Variants in KIF27 observed in about 807,000 individuals in gnomAD.
The protein encoded by KIF27 is kinesin-like protein KIF27.
A neutral mutation model predicts 141.8 loss-of-function variants in KIF27; 84 were observed. The ratio of observed to expected loss-of-function variants is 0.59; its 90% CI spans 0.50 to 0.71. KIF27 has a LOEUF of 0.71. Among genes scored for constraint, KIF27 ranks in the 30% least tolerant of loss-of-function variants. KIF27 has a pLI of 0.00. For synonymous variants in KIF27, 471 were observed against 569.5 expected (o/e 0.83, Z 2.46); for missense variants, 1,306 against 1,628.4 (o/e 0.80, Z 3.41).
chr9:83,907,691 T>TA (rs1308560582), intron 3 of KIF27, among the ~76,000 whole-genome samples: 1 of 151,816 alleles, frequency 6.6e-6, no homozygotes, highest in Non-Finnish European at 1.5e-5. Flanking sequence ...CTCTCAACTT[T>TA]AAAAAAAGAG....
At chr9:83,845,045 C>G (rs1434258726) in intron 16 of KIF27, among the ~76,000 whole-genome samples, 4 of 152,138 alleles carry the variant, frequency 2.6e-5, no homozygotes, top group African/African-American at 9.7e-5. Context: ...GCTGCTCTGC[C>G]ACTTGGGCCA....
intron 12 of KIF27, among the ~76,000 whole-genome samples, chr9:83,870,138 T>G (rs560851797): frequency 1.3e-5 from 2 of 149,520 alleles, no homozygotes; most frequent in South Asian, 2.1e-4. Flanking sequence ...CATCTATCTA[T>G]CTCTCTATCT....
At chr9:83,912,933 G>C (rs1955315984) in intron 2 of KIF27, among the ~76,000 whole-genome samples, 1 of 151,910 alleles carries the variant, frequency 6.6e-6, no homozygotes, top group African/African-American at 2.4e-5. Context: ...AGGCAGGGCG[G>C]ATCACTTGAT....
Position 83,886,948 on chromosome 9 carries a change from T to G in KIF27, c.2239+93A>C, listed in dbSNP as rs1029411449. 2.9e-6 allele frequency: 4 copies of G among 1,382,172 alleles called. No individual in the cohort carries two copies. The African/African-American group carries it at 5.9e-5, about 21-fold the overall frequency. 85.6% of individuals were successfully genotyped at this position (1,382,172 alleles called of 1,614,324 possible). On this transcript the variant is annotated intron_variant, in intron 9 of 17. Transcript: ENST00000297814. ...CCAATCCAAGCTAAGTGGATAGACC[T>G]GAGCTTCAAAAACTAAAGTAACTGT...
rs1298266959 is a variant in KIF27, at chr9:83,870,449, G to A, written c.2757+70C>T. ...CCCAAAGTGCTAGGATTACAGGTGT[G>A]AGTTTACCTCTATTTAGACAACCAT... On this transcript the variant is annotated intron_variant, in intron 12 of 17. Coordinates refer to ENST00000297814, the MANE Select transcript of KIF27 (RefSeq NM_017576.4). 9 of 1,586,126 alleles carry A rather than the reference G, an allele frequency of 5.7e-6. No homozygotes were observed. In the East Asian group the frequency reaches 2.0e-4, roughly 36 times the overall value.
intron 10 of KIF27, 72 bp from the exon 11 acceptor site, chr9:83,880,566 C>T (rs891333458): frequency 3.1e-4 from 356 of 1,142,752 alleles, no homozygotes; most frequent in Non-Finnish European, 3.6e-4. Context: ...TTAATCTTTT[C>T]ATTTGATGGT....
chr9:83,909,034 C>A (rs1164970139), intron 2 of KIF27, among the ~76,000 whole-genome samples: 1 of 152,136 alleles, frequency 6.6e-6, no homozygotes, highest in South Asian at 2.1e-4. Context: ...TTAGTATCTA[C>A]TATGTGCCAG....
chr9:83,835,428 A>G lies in KIF27; in HGVS notation c.*1573T>C, dbSNP rs907558399. The G allele has an allele frequency of 1.1e-4, 16 of 152,158 alleles. No individual in the cohort carries two copies. The highest frequency in any genetic ancestry group is 3.6e-4 in the African/African-American group (15 of 41,440). 9.4% of individuals were successfully genotyped at this position (152,158 alleles called of 1,614,324 possible). The stretch of plus-strand genomic sequence containing the variant: ...ATAGTATCTCATTGGACCAATATTT[A>G]TAAATTGTTTCATTCCCAGGTAAGT... On this transcript the variant is annotated 3_prime_UTR_variant, in exon 18 of 18. Coordinates refer to ENST00000297814, the MANE Select transcript of KIF27 (RefSeq NM_017576.4).
intron 13 of KIF27, chr9:83,863,600 G>A (rs1401202871): frequency 1.3e-5 from 2 of 152,104 alleles, no homozygotes; most frequent in East Asian, 3.8e-4. Flanking sequence ...GATGATTTTT[G>A]CATCAATGTT....
intron 3 of KIF27, among the ~76,000 whole-genome samples, 171 bp downstream of exon 3, chr9:83,908,279 AAG>A (rs1554683031): frequency 2.1e-4 from 32 of 151,616 alleles, no homozygotes; most frequent in Non-Finnish European, 4.4e-4. Context: ...AAAAAAAAAA[AAG>A]AGAGAGAGAG....
intron 1 of KIF27, among the ~76,000 whole-genome samples, chr9:83,916,694 C>T (rs1209436444): frequency 5.5e-5 from 8 of 144,290 alleles, no homozygotes; most frequent in South Asian, 4.3e-4. Flanking sequence ...GACGGAGTCT[C>T]GCTCTGTCGC....
intron 5 of KIF27, among the ~76,000 whole-genome samples, chr9:83,894,096 G>A (rs962602290): frequency 6.6e-6 from 1 of 152,150 alleles, no homozygotes; most frequent in Non-Finnish European, 1.5e-5. Flanking sequence ...ATACTAATAT[G>A]ATTTAATTCA....
chr9:83,875,143 C>G (rs1268031261), intron 11 of KIF27, among the ~76,000 whole-genome samples: 1 of 152,044 alleles, frequency 6.6e-6, no homozygotes, highest in African/African-American at 2.4e-5. Flanking sequence ...CACTGAACAG[C>G]CTGGCCTGAT....
intron 14 of KIF27, chr9:83,858,788 A>C (rs1408188422): frequency 4.1e-5 from 10 of 245,240 alleles, no homozygotes; most frequent in Middle Eastern, 1.4e-3. Flanking sequence ...GTATCATTCA[A>C]GAAATATGTA....
At chr9:83,892,349 G>A (rs1156319496) in intron 5 of KIF27, among the ~76,000 whole-genome samples, 1 of 151,948 alleles carries the variant, frequency 6.6e-6, no homozygotes, top group Non-Finnish European at 1.5e-5. Flanking sequence ...AGGATTCAAT[G>A]GAGTTCTTAC....
In KIF27 at chr9:83,870,636, T is replaced by A; in HGVS notation, c.2644-4A>T. The A allele has an allele frequency of 1.2e-6, 2 of 1,612,974 alleles. No individual in the cohort carries two copies. The highest frequency in any genetic ancestry group is 1.7e-6 in the Non-Finnish European group (2 of 1,179,486). ...GTCCTGTTTTTAATTGTATTTCCTA[T>A]AGAAAAAGAAATTGAAAACACCTTA... On this transcript the variant is annotated splice_region_variant and splice_polypyrimidine_tract_variant and intron_variant, in intron 11 of 17. Transcript: ENST00000297814.
In KIF27 at chr9:83,836,664, TTTATA is replaced by T. The variant is rs1238631944; in HGVS notation, c.*332_*336del. The T allele has an allele frequency of 6.7e-5, 12 of 178,202 alleles. No homozygotes were observed. The highest frequency in any genetic ancestry group is 1.2e-5 in the Non-Finnish European group (1 of 84,532). The allele number at this position is 178,202 out of a possible 1,614,324, so 11.0% of individuals were successfully genotyped here. A position where few individuals can be genotyped will look rare whatever the true frequency, so the allele number is the denominator to read the frequency against. On this transcript the variant is annotated 3_prime_UTR_variant, in exon 18 of 18. Coordinates refer to ENST00000297814, the MANE Select transcript of KIF27 (RefSeq NM_017576.4). ...TTGTAACATACTTTTATGATGTACATTTATATTATATAATAATACATACTTGATAG... is the reference window on the plus strand; with the variant it reads ...TTGTAACATACTTTTATGATGTACATTTATATAATAATACATACTTGATAG...
intron 14 of KIF27, 80 bp downstream of exon 14, chr9:83,859,076 T>C (rs1176730874): frequency 3.0e-6 from 3 of 1,008,216 alleles, no homozygotes; most frequent in Non-Finnish European, 4.7e-6. Flanking sequence ...ATAATATTTA[T>C]GATTATGTGA....
In KIF27 at chr9:83,908,573, G is replaced by A. The variant is rs886669356; in HGVS notation, c.378C>T (p.Ser126=). ...EIFQSISEHP[S]IDFNVKVSYI... ...AAGATACTTTTACATTAAAGTCAAT[G>A]CTAGGATGTTCAGAGATGCTTTGAA... Residue 126 remains serine (S), a synonymous_variant, in exon 3 of 18, where the codon AGC becomes AGT. Transcript: ENST00000297814. 3 of 1,611,358 alleles carry A rather than the reference G, an allele frequency of 1.9e-6. No homozygotes were observed. In the African/African-American group the frequency reaches 4.0e-5, roughly 22 times the overall value.
Sources: gnomAD v4.1 joint callset for allele counts (sites outside exome capture counted in the v4.1 genomes callset) on GRCh38, gnomAD v4.1.1 for gene constraint, MANE v1.5 for transcripts, NCBI Gene and HGNC (gene_info 2026-07-23, HGNC 2026-07-21) for gene names.